The following DENND5A variants were observed in gnomAD, a reference collection of about 807,000 sequenced individuals.
The protein encoded by DENND5A is DENN domain containing 5A.
Under a neutral mutation model 140.3 loss-of-function variants are expected in DENND5A, and 64 were observed. The observed-to-expected ratio is 0.46, with a 90% CI of 0.37 to 0.56. DENND5A has a LOEUF of 0.56. Among genes scored for constraint, DENND5A ranks in the 20% least tolerant of loss-of-function variants. The pLI is 0.00. For missense variants in DENND5A, 1,292 were observed against 1,593.8 expected, an observed-to-expected ratio of 0.81 and a Z score of 3.22; for synonymous variants, 605 against 607.7, an observed-to-expected ratio of 1.00 and a Z score of 0.07.
In DENND5A at chr11:9,144,861, C is replaced by T. The variant is rs1318468441; in HGVS notation, c.3122+134G>A. 53 of 685,416 alleles carry T rather than the reference C, an allele frequency of 7.7e-5. 1 individual carries two copies. The highest frequency in any genetic ancestry group is 1.1e-4 in the Non-Finnish European group (42 of 377,392). The allele number at this position is 685,416 out of a possible 1,614,324, so 42.5% of individuals were successfully genotyped here. On this transcript the variant is annotated intron_variant, in intron 18 of 22. Coordinates refer to ENST00000328194, the MANE Select transcript of DENND5A (RefSeq NM_015213.4). ...TCTACTTACTTTCAAGTGTATGAGGCAGAGCCAAACAGGAAGTTGCCTCAG... is the reference window on the plus strand; with the variant it reads ...TCTACTTACTTTCAAGTGTATGAGGTAGAGCCAAACAGGAAGTTGCCTCAG...
intron 1 of DENND5A, among the ~76,000 whole-genome samples, chr11:9,243,946 T>C (rs979829269): frequency 6.6e-6 from 1 of 152,210 alleles, no homozygotes; most frequent in Non-Finnish European, 1.5e-5. Flanking sequence ...GCTTACTTTA[T>C]TGTGAGACTA....
chr11:9,240,143 C>T (rs1207143056), intron 1 of DENND5A, among the ~76,000 whole-genome samples: 8 of 152,112 alleles, frequency 5.3e-5, no homozygotes, highest in Non-Finnish European at 7.4e-5. Flanking sequence ...CGTGGTGGCT[C>T]ACGTCTGTAA....
intron 11 of DENND5A, 73 bp downstream of exon 11, chr11:9,165,763 G>A (rs1327764650): frequency 6.4e-7 from 1 of 1,558,730 alleles, no homozygotes; most frequent in Non-Finnish European, 8.8e-7. Context: ...AGAGGGAGTG[G>A]TCAGAGCCAA....
In DENND5A at chr11:9,170,795, C is replaced by A. The variant is rs368978088; in HGVS notation, c.1907-18G>T. 2 of 1,548,276 alleles carry A rather than the reference C, an allele frequency of 1.3e-6. No homozygotes were observed. The highest frequency in any genetic ancestry group is 1.4e-5 in the African/African-American group (1 of 70,520). On this transcript the variant is annotated intron_variant, in intron 8 of 22. Transcript: ENST00000328194. ...TGCTTTCTCTGGATGAGAATACACA[C>A]ACACACACACACACACACACACATA...
intron 1 of DENND5A, among the ~76,000 whole-genome samples, chr11:9,228,866 T>C (rs1247794827): frequency 6.6e-6 from 1 of 152,220 alleles, no homozygotes; most frequent in Non-Finnish European, 1.5e-5. Flanking sequence ...TCTCTTCCAC[T>C]TGGCTGTTCC....
chr11:9,163,087 T>C (rs1471208290), intron 11 of DENND5A, among the ~76,000 whole-genome samples: 1 of 152,210 alleles, frequency 6.6e-6, no homozygotes, highest in African/African-American at 2.4e-5. Context: ...CATTGTTGTA[T>C]AGCATTCCAC....
intron 1 of DENND5A, among the ~76,000 whole-genome samples, chr11:9,251,764 C>A (rs1346547097): frequency 6.6e-6 from 1 of 151,780 alleles, no homozygotes; most frequent in Non-Finnish European, 1.5e-5. Context: ...CCGAGGCGGG[C>A]GGATTCCGAG....
At chr11:9,197,427 G>A (rs1444279255) in intron 4 of DENND5A, among the ~76,000 whole-genome samples, 1 of 150,544 alleles carries the variant, frequency 6.6e-6, no homozygotes, top group African/African-American at 2.5e-5. Flanking sequence ...TGAGTGCAGT[G>A]GCTCACGCCT....
intron 8 of DENND5A, chr11:9,175,798 A>G (rs1564897206): frequency 6.6e-6 from 1 of 152,236 alleles, no homozygotes; most frequent in Non-Finnish European, 1.5e-5. Context: ...CATAACTTAT[A>G]CTACTTACAA....
At chr11:9,214,570 A>G (rs1376765788) in intron 1 of DENND5A, among the ~76,000 whole-genome samples, 1 of 152,214 alleles carries the variant, frequency 6.6e-6, no homozygotes, top group African/African-American at 2.4e-5. Flanking sequence ...CGTAAAGAAA[A>G]GAAGGTAACT....
chr11:9,160,988 C>T (rs1369308178), intron 11 of DENND5A, 123 bp from the exon 12 acceptor site: 2 of 918,974 alleles, frequency 2.2e-6, no homozygotes, highest in East Asian at 2.4e-5. Context: ...TGAATTAGCC[C>T]CAAGGACACA....
chr11:9,184,528 T>C (rs1848842001), intron 5 of DENND5A, among the ~76,000 whole-genome samples: 1 of 152,232 alleles, frequency 6.6e-6, no homozygotes, highest in Non-Finnish European at 1.5e-5. Context: ...TGCCTAGCTG[T>C]ATTCCAAAGT....
At chr11:9,209,270 T>C (rs1318260997) in intron 1 of DENND5A, among the ~76,000 whole-genome samples, 1 of 152,158 alleles carries the variant, frequency 6.6e-6, no homozygotes, top group East Asian at 1.9e-4. Flanking sequence ...CCTGATCTCA[T>C]CTAAAATGGC....
At chr11:9,226,194 C>T (rs1017825937) in intron 1 of DENND5A, among the ~76,000 whole-genome samples, 5 of 152,174 alleles carry the variant, frequency 3.3e-5, no homozygotes, top group African/African-American at 4.8e-5. Flanking sequence ...TTGACTGGAA[C>T]ATGTCATGCT....
intron 1 of DENND5A, among the ~76,000 whole-genome samples, chr11:9,218,134 C>T (rs1398918265): frequency 1.3e-5 from 2 of 151,706 alleles, no homozygotes; most frequent in Admixed American, 6.6e-5. Context: ...TGGTGCCCAC[C>T]AGTAGTCTCA....
chr11:9,255,148 G>C (rs1851891731), intron 1 of DENND5A, among the ~76,000 whole-genome samples: 1 of 152,110 alleles, frequency 6.6e-6, no homozygotes, highest in Admixed American at 6.6e-5. Flanking sequence ...TTAAAACCAT[G>C]AGATACCACT....
In DENND5A at chr11:9,142,034, G is replaced by A. The variant is rs546431984; in HGVS notation, c.3586C>T (p.Arg1196Trp). 19 of 1,605,332 alleles carry A rather than the reference G, an allele frequency of 1.2e-5. No homozygotes were observed. The highest frequency in any genetic ancestry group is 6.7e-5 in the East Asian group (3 of 44,478). Residue 1196 changes from arginine to tryptophan, a missense_variant, in exon 22 of 23, where the codon CGG (arginine) becomes TGG (tryptophan). Arg to Trp is a moderately radical substitution (Grantham distance 101). Transcript: ENST00000328194. ...VPEENWHTRA[R>W]NFCRFVTAIN... The stretch of plus-strand genomic sequence containing the variant: ...GCAGTGACAAATCGGCAGAAGTTCC[G>A]GGCTCTTGTATGCCAGTTTTCCTCA...
At chr11:9,264,410 G>C (rs1441835647) in intron 1 of DENND5A, among the ~76,000 whole-genome samples, 1 of 152,036 alleles carries the variant, frequency 6.6e-6, no homozygotes, top group East Asian at 1.9e-4. Flanking sequence ...TACTCTTCTT[G>C]GTGCCGCCCA....
chr11:9,256,214 C>T (rs1017413625), intron 1 of DENND5A, among the ~76,000 whole-genome samples: 8 of 152,258 alleles, frequency 5.3e-5, no homozygotes, highest in Non-Finnish European at 1.2e-4. Context: ...GTAATCCCAG[C>T]ACTTTAGGAG....
Sources: allele counts gnomAD v4.1 joint callset (sites outside exome capture counted in the v4.1 genomes callset), GRCh38; gene constraint gnomAD v4.1.1; transcripts MANE v1.5; gene names NCBI Gene and HGNC (gene_info 2026-07-23, HGNC 2026-07-21).